SLC12A7: variants seen among roughly 807,000 people sequenced by gnomAD.
SLC12A7 encodes solute carrier family 12 member 7.
In SLC12A7, 100 loss-of-function variants were observed where a neutral mutation model predicts 120.6. The ratio of observed to expected loss-of-function variants is 0.83; its 90% confidence interval spans 0.71 to 0.98. The LOEUF (loss-of-function observed/expected upper bound fraction) is 0.98. Among genes scored for constraint, SLC12A7 ranks in the 50% least tolerant of loss-of-function variants. The pLI, the probability that SLC12A7 is intolerant of heterozygous loss-of-function variation, is 0.00. For synonymous variants in SLC12A7, 760 were observed against 678.0 expected (o/e 1.12, Z -1.88); for missense variants, 1,373 against 1,548.1 (o/e 0.89, Z 1.90).
At chr5:1,074,703 C>A in intron 15 of SLC12A7, 32 bp from the exon 16 acceptor site, 1 of 1,600,186 alleles carries the variant, frequency 6.2e-7, no homozygotes, top group Non-Finnish European at 8.5e-7. Flanking sequence ...TTTGTCCAGC[C>A]GCGTACCTGG....
rs374494057 is a variant in SLC12A7 at position 1,089,450 on chromosome 5, G to A, written c.343-322C>T. On this transcript the variant is annotated intron_variant, in intron 3 of 23. Coordinates refer to ENST00000264930, the MANE Select transcript of SLC12A7 (RefSeq NM_006598.3). ...GAAAAAACAAGAGGGAGAACGAGAG[G>A]GCCCCCGGCTCCGTTCCCTGGATGG... Among the ~76,000 whole-genome samples the A allele has an allele frequency of 3.3e-5, 5 of 152,156 alleles. No individual in the cohort carries two copies. In the East Asian group the frequency reaches 9.7e-4, roughly 29 times the overall value.
the SLC12A7 span, among the ~76,000 whole-genome samples, chr5:1,154,908 G>C: frequency 6.6e-6 from 1 of 152,220 alleles, no homozygotes; most frequent in Non-Finnish European, 1.5e-5. Context: ...CCACGAGAGA[G>C]TGACAGCTCA....
the SLC12A7 span, among the ~76,000 whole-genome samples, chr5:1,135,488 C>T: frequency 6.6e-6 from 1 of 152,190 alleles, no homozygotes; most frequent in Non-Finnish European, 1.5e-5. Flanking sequence ...CTGCGGCCCT[C>T]GTCCCCAGCC....
At chr5:1,093,499 G>GGGGACTGGGCA (rs776151640) in intron 3 of SLC12A7, 34 bp downstream of exon 3, 24 of 1,561,336 alleles carry the variant, frequency 1.5e-5, no homozygotes, top group Middle Eastern at 4.0e-4. Flanking sequence ...CACACGGGGC[G>GGGGACTGGGCA]GGGACTGGGC....
chr5:1,067,263 C>A (rs12515500), intron 17 of SLC12A7, among the ~76,000 whole-genome samples: 7,878 of 152,286 alleles, frequency 0.052, 233 homozygotes, highest in African/African-American at 0.077. Context: ...CCAAGGGGCA[C>A]CAGCCAGCAA....
intron 16 of SLC12A7, among the ~76,000 whole-genome samples, chr5:1,074,024 C>T (rs1738032055): frequency 6.6e-6 from 1 of 152,084 alleles, no homozygotes; most frequent in African/African-American, 2.4e-5. Context: ...GCCACAGAAG[C>T]CAGGTGGGAC....
Position 1,088,286 on chromosome 5 carries a change from G to A in SLC12A7, c.544+20C>T, listed in dbSNP as rs199929050. ...CTCCTCTAACAGGACTCAGGGCCGCGGCTGGCGGGCACCCCTTACCTGGGA... is the reference window on the plus strand; with the variant it reads ...CTCCTCTAACAGGACTCAGGGCCGCAGCTGGCGGGCACCCCTTACCTGGGA... On this transcript the variant is annotated intron_variant, in intron 5 of 23. Coordinates refer to ENST00000264930, the MANE Select transcript of SLC12A7 (RefSeq NM_006598.3). The A allele has an allele frequency of 3.0e-3, 4,736 of 1,577,286 alleles. 26 individuals carry two copies. The highest frequency in any genetic ancestry group is 8.6e-3 in the South Asian group (738 of 85,984).
chr5:1,135,037 G>C, the SLC12A7 span, among the ~76,000 whole-genome samples: 27 of 152,266 alleles, frequency 1.8e-4, no homozygotes, highest in East Asian at 4.4e-3. Context: ...TGAGGCAGGA[G>C]AATCGCTTGA....
In SLC12A7 at chr5:1,078,977, C is replaced by T. The variant is rs545587053; in HGVS notation, c.1397-219G>A. ...TGGGGCTCTGTCCAGCGCCACAGAA[C>T]GGGGCCCTGGGGTGGTGGACACACA... On this transcript the variant is annotated intron_variant, in intron 10 of 23. Coordinates refer to ENST00000264930, the MANE Select transcript of SLC12A7 (RefSeq NM_006598.3). Among the ~76,000 whole-genome samples, 21 of 152,250 alleles carry T rather than the reference C, an allele frequency of 1.4e-4. No individual in the cohort carries two copies. In the South Asian group the frequency reaches 3.1e-3, roughly 23 times the overall value.
chr5:1,122,159 G>T, the SLC12A7 span, among the ~76,000 whole-genome samples: 1 of 152,308 alleles, frequency 6.6e-6, no homozygotes, highest in Admixed American at 6.5e-5. Context: ...TGGTGTGGGG[G>T]GACACTGTCC....
At chr5:1,068,327 G>A (rs1020965745) in intron 17 of SLC12A7, among the ~76,000 whole-genome samples, 4 of 152,168 alleles carry the variant, frequency 2.6e-5, no homozygotes, top group African/African-American at 9.7e-5. Context: ...CCCAGCTACT[G>A]GGAGGCTGAG....
chr5:1,111,634 C>G (rs1743016500), intron 1 of SLC12A7, among the ~76,000 whole-genome samples: 1 of 152,206 alleles, frequency 6.6e-6, no homozygotes, highest in African/African-American at 2.4e-5. Context: ...CCTCTGCCCC[C>G]GGTCCCACCC....
chr5:1,146,509 G>A, the SLC12A7 span, among the ~76,000 whole-genome samples: 157 of 152,282 alleles, frequency 1.0e-3, 1 homozygote, highest in African/African-American at 3.4e-3. This position sits in a 1 kb window ranked among gnomAD's most constrained non-coding sequence, Gnocchi z 6.5. Context: ...CCGTCTGGAT[G>A]GACCCCTCCT....
chr5:1,104,931 A>G (rs1029896725), intron 1 of SLC12A7, among the ~76,000 whole-genome samples: 1 of 151,412 alleles, frequency 6.6e-6, no homozygotes, highest in African/African-American at 2.5e-5. Context: ...CCCTCCCCGC[A>G]GGGGTGAGGT....
In SLC12A7 at chr5:1,073,244, C is replaced by T. The variant is rs538837594; in HGVS notation, c.2241+389G>A. Among the ~76,000 whole-genome samples the T allele has an allele frequency of 6.1e-3, 454 of 74,780 alleles. 1 individual carries two copies. The highest frequency in any genetic ancestry group is 0.031 in the Middle Eastern group (4 of 130). The allele number at this position is 74,780 out of a possible 152,430, so 49.1% of individuals were successfully genotyped here. A position where few individuals can be genotyped will look rare whatever the true frequency, so the allele number is the denominator to read the frequency against. ...CCCCAGTGAGCCCCCAGCACACGGGCATCACACTTATGCAGCCCCCAGTGA... is the reference window on the plus strand; with the variant it reads ...CCCCAGTGAGCCCCCAGCACACGGGTATCACACTTATGCAGCCCCCAGTGA... On this transcript the variant is annotated intron_variant, in intron 17 of 23. Transcript: ENST00000264930.
At chr5:1,082,863 T>A (rs561373212) in intron 8 of SLC12A7, among the ~76,000 whole-genome samples, 2 of 147,242 alleles carry the variant, frequency 1.4e-5, no homozygotes, top group Non-Finnish European at 3.0e-5. Context: ...CCGTCTCGGG[T>A]TCTGGAAAGT....
chr5:1,053,432 A>T lies in SLC12A7; in HGVS notation c.3077T>A (p.Val1026Asp). The change falls in exon 23 of 24, where the codon GTC becomes GAC. Residue 1026 changes from valine (V) to aspartate (D), a missense_variant. Val to Asp is a radical substitution (Grantham distance 152, BLOSUM62 -3). Coordinates refer to ENST00000264930, the MANE Select transcript of SLC12A7 (RefSeq NM_006598.3). ...RMHTAVKLNG[V>D]VLNKSQDAQL... ...CGCATCCTGGGACTTGTTGAGGACG[A>T]CGCCATTGAGCTTCACAGCCGTGTG... The T allele has an allele frequency of 6.2e-7, 1 of 1,613,932 alleles. No individual in the cohort carries two copies. The highest frequency in any genetic ancestry group is 8.5e-7 in the Non-Finnish European group (1 of 1,180,012).
chr5:1,064,338 C>CG (rs1341565957), intron 18 of SLC12A7, 86 bp from the exon 19 acceptor site: 1 of 1,464,596 alleles, frequency 6.8e-7, no homozygotes, highest in Non-Finnish European at 9.1e-7. Flanking sequence ...AGTGCAGGGG[C>CG]GGGCACGGCG....
upstream of SLC12A7, among the ~76,000 whole-genome samples, chr5:1,113,781 G>T (rs948247452): frequency 1.1e-4 from 17 of 152,196 alleles, no homozygotes; most frequent in Non-Finnish European, 2.9e-5. Flanking sequence ...GCCCAATGGG[G>T]TCAATTATAG....
Sources: allele counts gnomAD v4.1 joint callset (sites outside exome capture counted in the v4.1 genomes callset), GRCh38; gene constraint gnomAD v4.1.1; non-coding constraint Gnocchi (gnomAD v3.1); transcripts MANE v1.5; gene names NCBI Gene and HGNC (gene_info 2026-07-23, HGNC 2026-07-21).